Variants in PLAAT1 observed in about 807,000 individuals in gnomAD.
The protein encoded by PLAAT1 is H-REV107 protein-related protein.
PLAAT1 carries 13 observed loss-of-function variants against 16.4 expected under a neutral mutation model. The ratio of observed to expected loss-of-function variants is 0.79; its 90% CI spans 0.52 to 1.26. The LOEUF (loss-of-function observed/expected upper bound fraction) is 1.26, where lower values mean the gene tolerates loss of function less well. Among genes scored for constraint, PLAAT1 ranks in the 50% most tolerant of loss-of-function variants. The pLI is 0.00. For missense variants in PLAAT1, 218 were observed against 207.8 expected (o/e 1.05, Z -0.30); for synonymous variants, 73 against 78.4 (o/e 0.93, Z 0.36).
chr3:193,254,177 A>G (rs73072874), intron 1 of PLAAT1, among the ~76,000 whole-genome samples: 2,869 of 152,280 alleles, frequency 0.019, 79 homozygotes, highest in African/African-American at 0.066. Flanking sequence ...CAACAGATGG[A>G]CAGCTTACAT....
rs1170630103 is a variant in PLAAT1 at position 193,261,665 on chromosome 3, T to C, written c.140-1305T>C. Among the ~76,000 whole-genome samples the C allele has an allele frequency of 1.8e-4, 27 of 152,204 alleles. 1 individual carries two copies. The highest frequency in any genetic ancestry group is 1.6e-3 in the Admixed American group (25 of 15,280). On this transcript the variant is annotated intron_variant, in intron 2 of 3. Coordinates refer to ENST00000264735, the MANE Select transcript of PLAAT1 (RefSeq NM_020386.5). The stretch of plus-strand genomic sequence containing the variant: ...CAGTTTTCATACCTGGAAAATAATA[T>C]GAGATTTTCATGCTGTTTTCTTATT...
chr3:193,274,957 A>G, downstream of PLAAT1: 1 of 1,519,920 alleles, frequency 6.6e-7, no homozygotes, highest in Non-Finnish European at 8.9e-7. Context: ...AGGAAAGGTA[A>G]GGGGAGAGTA....
chr3:193,269,917 T>A (rs1716924540), intron 3 of PLAAT1, among the ~76,000 whole-genome samples: 1 of 152,196 alleles, frequency 6.6e-6, no homozygotes, highest in Admixed American at 6.5e-5. Flanking sequence ...TTTGTCTACA[T>A]GAGAAATTAA....
chr3:193,280,653 T>C (rs1165500424), downstream of PLAAT1, among the ~76,000 whole-genome samples: 1 of 152,218 alleles, frequency 6.6e-6, no homozygotes, highest in Non-Finnish European at 1.5e-5. Flanking sequence ...TCTGTTCTTA[T>C]TTCCAACCTC....
chr3:193,255,445 AAG>A (rs1343570925), intron 1 of PLAAT1, among the ~76,000 whole-genome samples: 3 of 152,204 alleles, frequency 2.0e-5, no homozygotes, highest in Non-Finnish European at 4.4e-5. Context: ...TAAGTAATAC[AAG>A]ACAAATTATT....
At chr3:193,275,576 C>T (rs894223668), downstream of PLAAT1, among the ~76,000 whole-genome samples, 3 of 151,716 alleles carry the variant, frequency 2.0e-5, no homozygotes, top group Non-Finnish European at 4.4e-5. Flanking sequence ...AATGATTTTC[C>T]CCTCAGACTG....
At chr3:193,252,791 A>C (rs903347205) in intron 1 of PLAAT1, among the ~76,000 whole-genome samples, 4 of 152,156 alleles carry the variant, frequency 2.6e-5, no homozygotes, top group Admixed American at 2.6e-4. Context: ...TTCAGCACCA[A>C]TTGTCAAAAA....
upstream of PLAAT1, chr3:193,241,031 C>G (rs78616338): frequency 9.9e-3 from 4,070 of 409,884 alleles, 107 homozygotes; most frequent in East Asian, 0.07. Context: ...ACTGGTTGCG[C>G]GGCGCTTTGA....
chr3:193,277,216 A>G (rs1717258590), intron 2 of PLAAT1, among the ~76,000 whole-genome samples: 1 of 152,210 alleles, frequency 6.6e-6, no homozygotes, highest in Non-Finnish European at 1.5e-5. Context: ...CTCCCAAAGC[A>G]AATTCTACCT....
intron 1 of PLAAT1, among the ~76,000 whole-genome samples, chr3:193,254,029 A>G (rs1716289658): frequency 6.6e-6 from 1 of 152,142 alleles, no homozygotes; most frequent in African/African-American, 2.4e-5. Context: ...GTTTGTTTAT[A>G]TCACAGTGTA....
downstream of PLAAT1, among the ~76,000 whole-genome samples, chr3:193,278,785 G>A (rs533477065): frequency 4.2e-4 from 64 of 152,264 alleles, no homozygotes; most frequent in Admixed American, 2.1e-3. Flanking sequence ...GTTCAAGTAT[G>A]TCTCATCTTC....
chr3:193,264,940 G>A (rs978578538), intron 3 of PLAAT1, among the ~76,000 whole-genome samples: 9 of 152,206 alleles, frequency 5.9e-5, no homozygotes, highest in African/African-American at 1.9e-4. Flanking sequence ...TCAGGGAAAT[G>A]CAAATCAAAG....
rs1419567455 is a variant in PLAAT1 at position 193,241,259 on chromosome 3, C to G, written c.-275C>G. 2.4e-6 allele frequency: 3 copies of G among 1,227,898 alleles called. No individual in the cohort carries two copies. The highest frequency in any genetic ancestry group is 3.0e-6 in the Non-Finnish European group (3 of 985,610). 76.1% of individuals were successfully genotyped at this position (1,227,898 alleles called of 1,614,324 possible). ...TGCCGGCTCGGCAGCGCCCGGACGC[C>G]GAGCCCAGCGCGTCGGCCCCCCGGC... On this transcript the variant is annotated 5_prime_UTR_variant, in exon 1 of 4. Transcript: ENST00000264735.
In PLAAT1 at chr3:193,263,094, A is replaced by G; in HGVS notation, c.264A>G (p.Glu88=). ...ACAGAATAAACAATAAATACGATGA[A>G]ACGTACCCCCCTCTCCCTGTGGAAG... is the stretch of plus-strand genomic sequence containing the variant. ...DTYRINNKYD[E]TYPPLPVEEI... is the part of the protein sequence containing the mutation. The change falls in exon 3 of 4, where the codon GAA becomes GAG. Residue 88 remains glutamate, a synonymous_variant. Coordinates refer to ENST00000264735, the MANE Select transcript of PLAAT1 (RefSeq NM_020386.5). The G allele has an allele frequency of 6.2e-7, 1 of 1,614,208 alleles. No homozygotes were observed. Among genetic ancestry groups the G allele is most frequent in the Non-Finnish European group, 8.5e-7 (1 of 1,180,034 alleles).
downstream of PLAAT1, among the ~76,000 whole-genome samples, chr3:193,275,766 C>T (rs1301865716): frequency 6.6e-6 from 1 of 152,184 alleles, no homozygotes; most frequent in Non-Finnish European, 1.5e-5. Context: ...CACATGCCCA[C>T]ACAGTTTTTA....
intron 3 of PLAAT1, among the ~76,000 whole-genome samples, chr3:193,270,075 C>T (rs961589419): frequency 5.7e-4 from 85 of 148,380 alleles, no homozygotes; most frequent in African/African-American, 1.9e-3. Flanking sequence ...CTGAAACACA[C>T]ACACACACAC....
chr3:193,274,196 T>C (rs1186085336), downstream of PLAAT1, among the ~76,000 whole-genome samples: 9 of 152,142 alleles, frequency 5.9e-5, no homozygotes, highest in South Asian at 2.1e-4. Context: ...TGAGCCAAAA[T>C]TGTGCCACTG....
chr3:193,279,374 C>A, downstream of PLAAT1: 3 of 1,613,166 alleles, frequency 1.9e-6, no homozygotes, highest in African/African-American at 1.3e-5. Context: ...ACCTCCATTC[C>A]ACGGTATATA....
intron 3 of PLAAT1, among the ~76,000 whole-genome samples, chr3:193,266,668 T>C (rs1470904441): frequency 1.3e-5 from 2 of 152,130 alleles, no homozygotes; most frequent in African/African-American, 2.4e-5. Flanking sequence ...TATGGAGATA[T>C]TTGAGGTCTC....
Sources: gnomAD v4.1 joint callset for allele counts (sites outside exome capture counted in the v4.1 genomes callset) on GRCh38, gnomAD v4.1.1 for gene constraint, MANE v1.5 for transcripts, NCBI Gene and HGNC (gene_info 2026-07-23, HGNC 2026-07-21) for gene names.